ESR1: variants seen among roughly 807,000 people sequenced by gnomAD.
The protein encoded by ESR1 is estrogen receptor.
A neutral mutation model predicts 52.7 loss-of-function variants in ESR1; 12 were observed. The ratio of observed to expected loss-of-function variants is 0.23; its 90% CI spans 0.15 to 0.37. The LOEUF (loss-of-function observed/expected upper bound fraction) is 0.37, where lower values mean the gene tolerates loss of function less well. Ranked by LOEUF, ESR1 falls within the 10% of genes least tolerant of loss-of-function variation. The probability of loss-of-function intolerance (pLI) is 1.00; values close to 1 mark genes in which losing one functional copy is unlikely to be tolerated. For missense variants in ESR1, 584 were observed against 779.7 expected, an observed-to-expected ratio of 0.75 and a Z score of 2.99; for synonymous variants, 305 against 316.8, an observed-to-expected ratio of 0.96 and a Z score of 0.39.
At chr6:151,982,132 A>G (rs1277335704) in intron 4 of ESR1, among the ~76,000 whole-genome samples, 2 of 152,240 alleles carry the variant, frequency 1.3e-5, no homozygotes, top group Admixed American at 6.5e-5. Flanking sequence ...TGAAGATATA[A>G]AGATGATTAA....
intron 3 of ESR1, among the ~76,000 whole-genome samples, chr6:151,931,648 TG>T (rs1759316645): frequency 7.2e-6 from 1 of 138,488 alleles, no homozygotes; most frequent in African/African-American, 2.7e-5. Context: ...TTCCCCTTCC[TG>T]TGTCCATGTG....
chr6:151,918,442 T>C (rs2030845437), intron 3 of ESR1, among the ~76,000 whole-genome samples: 1 of 152,242 alleles, frequency 6.6e-6, no homozygotes. Context: ...GGCAGTTGGT[T>C]CACAATGGTG....
At chr6:151,867,747 C>T (rs1199145141) in intron 2 of ESR1, among the ~76,000 whole-genome samples, 1 of 152,152 alleles carries the variant, frequency 6.6e-6, no homozygotes. Flanking sequence ...GTGGCGATTC[C>T]TCAAGGACCT....
At chr6:152,062,694 G>A (rs1180869899) in intron 6 of ESR1, among the ~76,000 whole-genome samples, 1 of 152,130 alleles carries the variant, frequency 6.6e-6, no homozygotes, top group African/African-American at 2.4e-5. Flanking sequence ...TCGGTGGAGG[G>A]CTGGCACGTG....
chr6:152,107,153 G>A (rs1021822058), downstream of ESR1, among the ~76,000 whole-genome samples: 4 of 152,062 alleles, frequency 2.6e-5, no homozygotes, highest in Non-Finnish European at 4.4e-5. Flanking sequence ...AACTTGGGAA[G>A]TTTTCAGCCA....
chr6:151,924,384 A>C (rs2032304191), intron 3 of ESR1, among the ~76,000 whole-genome samples: 1 of 151,510 alleles, frequency 6.6e-6, no homozygotes, highest in African/African-American at 2.4e-5. Flanking sequence ...ATTTTCACAT[A>C]CTTTTTTTGC....
At chr6:151,867,334 CA>C (rs1203913099) in intron 2 of ESR1, among the ~76,000 whole-genome samples, 1 of 151,920 alleles carries the variant, frequency 6.6e-6, no homozygotes, top group Non-Finnish European at 1.5e-5. Context: ...AGGCAACCTA[CA>C]GAATGGGAGA....
intron 5 of ESR1, among the ~76,000 whole-genome samples, chr6:152,060,758 C>G: frequency 6.6e-6 from 1 of 152,176 alleles, no homozygotes; most frequent in East Asian, 1.9e-4. Context: ...AACTACCTAC[C>G]TCTTCTAAGA....
At chr6:151,794,707 AAC>A (rs2128135445) in intron 2 of ESR1, among the ~76,000 whole-genome samples, 1 of 152,282 alleles carries the variant, frequency 6.6e-6, no homozygotes, top group Non-Finnish European at 1.5e-5. Flanking sequence ...CATTTCCAAA[AAC>A]ACACTAGACT....
At chr6:151,893,282 G>T (rs896001335) in intron 3 of ESR1, among the ~76,000 whole-genome samples, 7 of 152,280 alleles carry the variant, frequency 4.6e-5, no homozygotes, top group Admixed American at 4.6e-4. Context: ...CCAGGAGGTG[G>T]AGGTTACAGT....
intron 5 of ESR1, among the ~76,000 whole-genome samples, chr6:152,042,240 A>G (rs966308253): frequency 6.6e-6 from 1 of 152,192 alleles, no homozygotes; most frequent in East Asian, 1.9e-4. Flanking sequence ...CCAGCTGCTA[A>G]ATATGTCTAT....
intron 6 of ESR1, among the ~76,000 whole-genome samples, chr6:152,089,895 G>A (rs1045165750): frequency 6.6e-5 from 10 of 152,268 alleles, no homozygotes; most frequent in Admixed American, 2.0e-4. Context: ...ATTTTTATTT[G>A]TAGTAGATTT....
chr6:151,919,537 G>A (rs2031146822), intron 3 of ESR1, among the ~76,000 whole-genome samples: 1 of 152,154 alleles, frequency 6.6e-6, no homozygotes, highest in African/African-American at 2.4e-5. Flanking sequence ...TCCAATAAAT[G>A]TTAATTGAGG....
chr6:151,749,510 A>G (rs1394913527), intron 2 of ESR1, among the ~76,000 whole-genome samples: 1 of 152,230 alleles, frequency 6.6e-6, no homozygotes, highest in South Asian at 2.1e-4. Flanking sequence ...ATGGAACACC[A>G]GAACTGATTC....
chr6:151,717,086 CA>C (rs1386628914), intron 2 of ESR1, among the ~76,000 whole-genome samples: 1 of 152,202 alleles, frequency 6.6e-6, no homozygotes, highest in Non-Finnish European at 1.5e-5. Context: ...CACAGTCCCT[CA>C]GGGCTTCCCT....
intron 1 of ESR1, among the ~76,000 whole-genome samples, chr6:151,700,660 A>G (rs1779699972): frequency 1.4e-5 from 2 of 144,658 alleles, no homozygotes; most frequent in Non-Finnish European, 3.0e-5. Context: ...ATACAATGTT[A>G]AACTTTCCTT....
chr6:151,963,760 T>C (rs539923292), intron 4 of ESR1, among the ~76,000 whole-genome samples: 24 of 152,340 alleles, frequency 1.6e-4, no homozygotes, highest in African/African-American at 5.5e-4. Context: ...CCCAGATCAA[T>C]GTCATGGAGC....
At chr6:151,866,916 A>G (rs1365503146) in intron 2 of ESR1, among the ~76,000 whole-genome samples, 1 of 152,224 alleles carries the variant, frequency 6.6e-6, no homozygotes, top group Non-Finnish European at 1.5e-5. Context: ...ACCAAAACAG[A>G]TATCTAGACC....
chr6:152,015,734 A>G (rs2043118530), intron 5 of ESR1, among the ~76,000 whole-genome samples: 1 of 152,160 alleles, frequency 6.6e-6, no homozygotes, highest in Non-Finnish European at 1.5e-5. Context: ...CATTGCATAA[A>G]TACATATCTA....
Sources: gnomAD v4.1 joint callset for allele counts (sites outside exome capture counted in the v4.1 genomes callset) on GRCh38, gnomAD v4.1.1 for gene constraint, MANE v1.5 for transcripts, NCBI Gene and HGNC (gene_info 2026-07-23, HGNC 2026-07-21) for gene names.